Variants in MFHAS1 observed in about 807,000 individuals in gnomAD.
MFHAS1 encodes the protein multifunctional ROCO family signaling regulator 1.
In MFHAS1, 50 loss-of-function variants were observed where a neutral mutation model predicts 70.4. The observed-to-expected ratio is 0.71, with a 90% confidence interval of 0.57 to 0.90. MFHAS1 has a LOEUF of 0.90. Ranked by LOEUF, MFHAS1 falls within the 40% of genes least tolerant of loss-of-function variation. The pLI is 0.00. For synonymous variants in MFHAS1, 952 were observed against 620.0 expected, an observed-to-expected ratio of 1.54 and a Z score of -7.96; for missense variants, 1,795 against 1,347.6, an observed-to-expected ratio of 1.33 and a Z score of -5.20.
chr8:8,811,688 C>T (rs1028804749), intron 1 of MFHAS1, among the ~76,000 whole-genome samples: 2 of 152,226 alleles, frequency 1.3e-5, no homozygotes, highest in Admixed American at 1.3e-4. Flanking sequence ...ATTTTCCTTA[C>T]TCACTGTGGG....
chr8:8,820,412 A>T (rs919467383), intron 1 of MFHAS1, among the ~76,000 whole-genome samples: 12 of 152,192 alleles, frequency 7.9e-5, no homozygotes, highest in African/African-American at 2.7e-4. Context: ...AGCCATAAGC[A>T]TAACTGCAAC....
intron 1 of MFHAS1, among the ~76,000 whole-genome samples, chr8:8,837,380 C>T (rs893169253): frequency 6.6e-5 from 10 of 152,188 alleles, no homozygotes; most frequent in African/African-American, 1.9e-4. Flanking sequence ...CAGTGGCTCA[C>T]GCCTAATCTC....
At chr8:8,813,011 T>C (rs1401430803) in intron 1 of MFHAS1, among the ~76,000 whole-genome samples, 5 of 152,150 alleles carry the variant, frequency 3.3e-5, no homozygotes, top group African/African-American at 1.2e-4. Context: ...AAGTGATCTG[T>C]CCACTTCAGC....
intron 1 of MFHAS1, among the ~76,000 whole-genome samples, chr8:8,848,620 ATT>A (rs35147353): frequency 6.6e-6 from 1 of 151,954 alleles, no homozygotes; most frequent in Admixed American, 6.6e-5. Context: ...GCAGTTATTA[ATT>A]TTTTTTAAAC....
intron 1 of MFHAS1, among the ~76,000 whole-genome samples, chr8:8,876,064 C>A (rs1020062167): frequency 9.2e-5 from 14 of 152,188 alleles, no homozygotes; most frequent in African/African-American, 3.4e-4. Context: ...GAAACAGCAG[C>A]AAACTCCTAC....
At chr8:8,864,383 C>T (rs76333876) in intron 1 of MFHAS1, among the ~76,000 whole-genome samples, 3,551 of 152,338 alleles carry the variant, frequency 0.023, 84 homozygotes, top group Admixed American at 0.055. Flanking sequence ...CCGACTCCTC[C>T]TCCTCTTTGC....
intron 2 of MFHAS1, among the ~76,000 whole-genome samples, chr8:8,787,228 C>A (rs1805579289): frequency 6.6e-6 from 1 of 152,022 alleles, no homozygotes; most frequent in Non-Finnish European, 1.5e-5. Context: ...CTACATGTGC[C>A]CGCCACCACA....
intron 1 of MFHAS1, among the ~76,000 whole-genome samples, chr8:8,809,358 C>A (rs1166564457): frequency 6.6e-6 from 1 of 152,182 alleles, no homozygotes; most frequent in East Asian, 1.9e-4. Flanking sequence ...GTGATATAGA[C>A]ATACAGTGAG....
At chr8:8,864,670 C>T (rs1044450607) in intron 1 of MFHAS1, among the ~76,000 whole-genome samples, 1 of 152,184 alleles carries the variant, frequency 6.6e-6, no homozygotes, top group African/African-American at 2.4e-5. Flanking sequence ...ACCCACCAGA[C>T]ACTTTTGAAA....
At chr8:8,815,336 T>C (rs1806701915) in intron 1 of MFHAS1, among the ~76,000 whole-genome samples, 1 of 152,212 alleles carries the variant, frequency 6.6e-6, no homozygotes, top group African/African-American at 2.4e-5. Flanking sequence ...TACACATGCA[T>C]GTATCTTTAT....
chr8:8,892,584 G>A lies in MFHAS1; in HGVS notation c.475C>T (p.His159Tyr), dbSNP rs1369782912. ...ALPAQLGALA[H>Y]LEELDVSFNR... ...AAGCTGACATCCAGCTCCTCCAGGT[G>A]AGCGAGAGCGCCCAGCTGGGCGGGC... Residue 159 changes from histidine (H) to tyrosine (Y), a missense_variant, in exon 1 of 3, where the codon CAC (histidine) becomes TAC (tyrosine). Coordinates refer to ENST00000276282, the MANE Select transcript of MFHAS1 (RefSeq NM_004225.3). This position sits in a 1 kb window ranked among gnomAD's most constrained non-coding sequence, Gnocchi z 4.7. The A allele has an allele frequency of 6.2e-7, 1 of 1,608,650 alleles. No individual in the cohort carries two copies. The highest frequency in any genetic ancestry group is 8.5e-7 in the Non-Finnish European group (1 of 1,178,020).
chr8:8,839,284 A>G (rs1381379272), intron 1 of MFHAS1, among the ~76,000 whole-genome samples: 1 of 152,210 alleles, frequency 6.6e-6, no homozygotes, highest in Non-Finnish European at 1.5e-5. Flanking sequence ...AAAGACTCTA[A>G]TTTCTCCACA....
At chr8:8,875,521 G>C (rs1809255057) in intron 1 of MFHAS1, among the ~76,000 whole-genome samples, 1 of 152,142 alleles carries the variant, frequency 6.6e-6, no homozygotes. Flanking sequence ...AAAGCTAAAA[G>C]ACACAGAGCA....
At position 8,893,504 on chromosome 8, in the gene MFHAS1, G is replaced by C. The variant is rs918892015; in HGVS notation, c.-446C>G. 37 of 146,186 alleles carry C rather than the reference G, an allele frequency of 2.5e-4. No individual in the cohort carries two copies. The highest frequency in any genetic ancestry group is 8.6e-4 in the African/African-American group (35 of 40,712). The allele number at this position is 146,186 out of a possible 1,614,324, so 9.1% of individuals were successfully genotyped here. A position where few individuals can be genotyped will look rare whatever the true frequency, so the allele number is the denominator to read the frequency against. On this transcript the variant is annotated 5_prime_UTR_variant, in exon 1 of 3. Coordinates refer to ENST00000276282, the MANE Select transcript of MFHAS1 (RefSeq NM_004225.3). ...CTCGGCCCGGCGGCGGGCATGCTGC[G>C]GGCGCAGGGCTGGGGCGCAGCCGCG...
intron 1 of MFHAS1, among the ~76,000 whole-genome samples, chr8:8,866,773 G>C (rs545836527): frequency 2.6e-5 from 4 of 152,144 alleles, no homozygotes; most frequent in African/African-American, 9.7e-5. Flanking sequence ...GGACGGAAAC[G>C]GTTCATATGA....
intron 1 of MFHAS1, among the ~76,000 whole-genome samples, chr8:8,801,498 G>A (rs570803015): frequency 2.2e-4 from 34 of 152,136 alleles, no homozygotes; most frequent in Non-Finnish European, 4.1e-4. Context: ...AACCTACTAC[G>A]CGGTGCCAGT....
intron 1 of MFHAS1, among the ~76,000 whole-genome samples, chr8:8,854,702 G>A (rs1304375299): frequency 6.6e-6 from 1 of 150,484 alleles, no homozygotes; most frequent in African/African-American, 2.4e-5. Context: ...AAAAAAGGAA[G>A]AAAGAAAAAA....
At chr8:8,848,571 T>C (rs534177585) in intron 1 of MFHAS1, among the ~76,000 whole-genome samples, 24 of 152,324 alleles carry the variant, frequency 1.6e-4, no homozygotes, top group African/African-American at 5.5e-4. Context: ...AAATACTTCA[T>C]GAGATAAAGA....
intron 1 of MFHAS1, among the ~76,000 whole-genome samples, chr8:8,827,203 A>G (rs1807195814): frequency 6.6e-6 from 1 of 152,240 alleles, no homozygotes; most frequent in South Asian, 2.1e-4. Context: ...AGATGGTCAT[A>G]TAAGCTACCT....
Sources: gnomAD v4.1 joint callset for allele counts (sites outside exome capture counted in the v4.1 genomes callset) on GRCh38, gnomAD v4.1.1 for gene constraint, Gnocchi (gnomAD v3.1) non-coding constraint, MANE v1.5 for transcripts, NCBI Gene and HGNC (gene_info 2026-07-23, HGNC 2026-07-21) for gene names.